NCALD: variants seen among roughly 807,000 people sequenced by gnomAD.
The protein encoded by NCALD is neurocalcin-delta.
Under a neutral mutation model 18.6 loss-of-function variants are expected in NCALD, and 10 were observed. The observed-to-expected ratio is 0.54, with a 90% confidence interval of 0.33 to 0.91. The LOEUF is 0.91. NCALD is among the 40% of genes least tolerant of loss of function. The pLI is 0.03. For missense variants in NCALD, 184 were observed against 247.6 expected, an observed-to-expected ratio of 0.74 and a Z score of 1.72; for synonymous variants, 88 against 87.4, an observed-to-expected ratio of 1.01 and a Z score of -0.04.
chr8:101,847,477 C>G (rs1297763868), intron 4 of NCALD: 1 of 152,582 alleles, frequency 6.6e-6, no homozygotes, highest in Non-Finnish European at 1.5e-5. Context: ...GACAGAGGTG[C>G]CTGGGTCCCT....
intron 1 of NCALD, among the ~76,000 whole-genome samples, chr8:101,781,265 G>A (rs1282400875): frequency 2.0e-5 from 3 of 152,104 alleles, no homozygotes; most frequent in Non-Finnish European, 2.9e-5. Flanking sequence ...TTGGTACCAC[G>A]TTGTCCCATT....
chr8:101,834,422 C>T (rs1382273889), intron 4 of NCALD, among the ~76,000 whole-genome samples: 1 of 152,254 alleles, frequency 6.6e-6, no homozygotes, highest in East Asian at 1.9e-4. Flanking sequence ...CAGCTATTCA[C>T]TCCGTGCCCC....
At chr8:102,056,238 G>A (rs1823644894) in intron 1 of NCALD, among the ~76,000 whole-genome samples, 1 of 152,108 alleles carries the variant, frequency 6.6e-6, no homozygotes, top group Admixed American at 6.5e-5. Context: ...GAACAATGGG[G>A]CTTATGTTTG....
At chr8:101,713,323 A>G (rs149643180) in intron 2 of NCALD, among the ~76,000 whole-genome samples, 3,900 of 152,314 alleles carry the variant, frequency 0.026, 132 homozygotes, top group African/African-American at 0.078. Flanking sequence ...AGTAGAAAGC[A>G]GAAAATATCT....
intron 4 of NCALD, among the ~76,000 whole-genome samples, chr8:101,879,972 G>C (rs571343532): frequency 6.6e-6 from 1 of 152,064 alleles, no homozygotes; most frequent in East Asian, 1.9e-4. Flanking sequence ...GTCCTGTGCC[G>C]TGTGCCTGCA....
chr8:101,932,667 G>C (rs1818621502), intron 2 of NCALD, among the ~76,000 whole-genome samples: 1 of 152,074 alleles, frequency 6.6e-6, no homozygotes, highest in Admixed American at 6.6e-5. Flanking sequence ...CTCTTCCTTT[G>C]CGCAGAGTCC....
At position 102,035,053 on chromosome 8, in the gene NCALD, G is replaced by A. The variant is rs80273978; in HGVS notation, c.-209-14764C>T. The stretch of plus-strand genomic sequence containing the variant: ...GAATTTGACTACTTCAGATAAGTAC[G>A]CACATGGTTTTTAAAAACTCACGTA... On this transcript the variant is annotated intron_variant, in intron 1 of 6. Coordinates refer to the NCALD transcript ENST00000311028. Among the ~76,000 whole-genome samples the A allele has an allele frequency of 5.9e-5, 9 of 152,220 alleles. No individual in the cohort carries two copies. The South Asian group carries it at 1.5e-3, about 25-fold the overall frequency.
chr8:101,772,658 A>G (rs10505013), intron 1 of NCALD, among the ~76,000 whole-genome samples: 2,980 of 152,308 alleles, frequency 0.02, 75 homozygotes, highest in African/African-American at 0.064. Flanking sequence ...AAGTCTGGTC[A>G]CAATGCCATT....
intron 1 of NCALD, among the ~76,000 whole-genome samples, chr8:101,728,225 G>A (rs936048312): frequency 3.3e-5 from 5 of 152,178 alleles, no homozygotes; most frequent in African/African-American, 4.8e-5. Flanking sequence ...GGATGAGCAC[G>A]TTCCCTTCTT....
intron 4 of NCALD, among the ~76,000 whole-genome samples, chr8:101,845,283 A>G (rs1392681738): frequency 6.6e-6 from 1 of 152,220 alleles, no homozygotes; most frequent in Non-Finnish European, 1.5e-5. Flanking sequence ...GCAGACCAGT[A>G]ACAAAGAGTT....
At chr8:101,891,711 G>C (rs1281830794) in intron 3 of NCALD, among the ~76,000 whole-genome samples, 2 of 152,248 alleles carry the variant, frequency 1.3e-5, no homozygotes, top group Non-Finnish European at 2.9e-5. Context: ...GAAGCGCAAG[G>C]GGTCAGGGAG....
At chr8:101,694,727 C>T (rs536362051) in intron 2 of NCALD, among the ~76,000 whole-genome samples, 3 of 152,244 alleles carry the variant, frequency 2.0e-5, no homozygotes, top group African/African-American at 7.2e-5. Flanking sequence ...ATCATGGTCC[C>T]CTGCCTGCTG....
intron 2 of NCALD, among the ~76,000 whole-genome samples, chr8:101,997,669 C>T (rs184578739): frequency 2.0e-5 from 3 of 152,294 alleles, no homozygotes; most frequent in African/African-American, 7.2e-5. Context: ...CAGGTCGCTC[C>T]ACTGAATCTG....
intron 4 of NCALD, among the ~76,000 whole-genome samples, chr8:101,843,893 T>C (rs909860857): frequency 1.3e-5 from 2 of 152,170 alleles, no homozygotes; most frequent in Admixed American, 1.3e-4. Flanking sequence ...AGGATCTTTT[T>C]AAAAATTTTA....
At chr8:101,987,041 T>G (rs1295919092) in intron 2 of NCALD, among the ~76,000 whole-genome samples, 1 of 152,170 alleles carries the variant, frequency 6.6e-6, no homozygotes, top group East Asian at 1.9e-4. Flanking sequence ...CTTAAATTTA[T>G]TATGTATGAA....
chr8:102,092,447 C>A (rs1192389259), intron 1 of NCALD, among the ~76,000 whole-genome samples: 1 of 152,212 alleles, frequency 6.6e-6, no homozygotes, highest in African/African-American at 2.4e-5. Context: ...GATCTAAGAA[C>A]CCTCTCTTGG....
At chr8:101,890,405 G>A (rs925781183) in intron 3 of NCALD, among the ~76,000 whole-genome samples, 3 of 152,162 alleles carry the variant, frequency 2.0e-5, no homozygotes, top group Admixed American at 2.0e-4. Flanking sequence ...TCACTCCTAT[G>A]TATATTCTCT....
At chr8:101,912,797 G>A (rs1817846697) in intron 3 of NCALD, among the ~76,000 whole-genome samples, 1 of 152,230 alleles carries the variant, frequency 6.6e-6, no homozygotes, top group African/African-American at 2.4e-5. Flanking sequence ...CCTGTGACTT[G>A]ATTTTCAGCA....
intron 2 of NCALD, among the ~76,000 whole-genome samples, chr8:102,001,167 A>C (rs1821449187): frequency 6.6e-6 from 1 of 152,238 alleles, no homozygotes. Context: ...TAACCAATGC[A>C]GAGAAGTCCT....
Sources: gnomAD v4.1 joint callset for allele counts (sites outside exome capture counted in the v4.1 genomes callset) on GRCh38, gnomAD v4.1.1 for gene constraint, MANE v1.5 for transcripts, NCBI Gene and HGNC (gene_info 2026-07-23, HGNC 2026-07-21) for gene names.